The following AFF3 variants were observed in gnomAD, a reference collection of about 807,000 sequenced individuals.
The protein encoded by AFF3 is AF4/FMR2 family member 3.
A neutral mutation model predicts 129.7 loss-of-function variants in AFF3; 32 were observed. The observed-to-expected ratio is 0.25, with a 90% CI of 0.19 to 0.33. AFF3 has a LOEUF of 0.33. AFF3 is among the 10% of genes least tolerant of loss of function. The pLI is 1.00. For synonymous variants in AFF3, 644 were observed against 635.4 expected (o/e 1.01, Z -0.20); for missense variants, 1,373 against 1,592.0 (o/e 0.86, Z 2.34).
intron 18 of AFF3, among the ~76,000 whole-genome samples, chr2:99,573,218 G>C (rs939582612): frequency 6.6e-6 from 1 of 152,044 alleles, no homozygotes; most frequent in Non-Finnish European, 1.5e-5. Context: ...CCTTGTCTCC[G>C]CACCCTGTCC....
chr2:99,750,413 CTT>C (rs1491187155), intron 9 of AFF3, among the ~76,000 whole-genome samples: 1 of 10,218 alleles, frequency 9.8e-5, no homozygotes, highest in African/African-American at 2.4e-4. Context: ...TTTTTTTTTT[CTT>C]TTCTTTTTTT....
At chr2:99,839,890 G>A (rs189439166) in intron 7 of AFF3, among the ~76,000 whole-genome samples, 6 of 152,268 alleles carry the variant, frequency 3.9e-5, no homozygotes, top group East Asian at 1.9e-4. Context: ...GATTACAGGC[G>A]TGAGCCACCA....
chr2:99,855,879 T>A (rs1690488589), intron 7 of AFF3, among the ~76,000 whole-genome samples: 1 of 152,168 alleles, frequency 6.6e-6, no homozygotes, highest in African/African-American at 2.4e-5. Context: ...TGCTAAGTCA[T>A]ATTGATAGTA....
chr2:99,647,708 C>A (rs1240166543), intron 13 of AFF3, among the ~76,000 whole-genome samples: 1 of 152,188 alleles, frequency 6.6e-6, no homozygotes, highest in African/African-American at 2.4e-5. Flanking sequence ...CTTTACACAA[C>A]TGCACTGCTA....
At chr2:99,993,263 T>C (rs1680522204) in intron 7 of AFF3, among the ~76,000 whole-genome samples, 1 of 152,228 alleles carries the variant, frequency 6.6e-6, no homozygotes. Context: ...TTTCTAAGGA[T>C]TTTTGGTTCT....
At chr2:100,037,485 AT>A (rs1685025975) in intron 4 of AFF3, among the ~76,000 whole-genome samples, 1 of 85,896 alleles carries the variant, frequency 1.2e-5, no homozygotes, top group Non-Finnish European at 2.1e-5. Context: ...TATTTTATAT[AT>A]TATTTATATA....
chr2:99,877,432 T>A (rs1213494346), intron 7 of AFF3, among the ~76,000 whole-genome samples: 1 of 152,078 alleles, frequency 6.6e-6, no homozygotes, highest in Non-Finnish European at 1.5e-5. Context: ...ATCACCACTA[T>A]GAGAAATGAG....
rs767846193 is a variant in AFF3 at position 99,554,406 on chromosome 2, T to C, written c.3464A>G (p.His1155Arg). The change falls in exon 24 of 25, where the codon CAC becomes CGC. Residue 1155 changes from histidine to arginine, a missense_variant. Around this residue, in one of 9 missense-constraint regions of AFF3, gnomAD observed 165 missense variants for 234.0 expected, o/e 0.71. Transcript: ENST00000672756. ...STIVSIPQRIHQMAANHVSIT... is the reference protein window; with the variant it reads ...STIVSIPQRIRQMAANHVSIT... ...GCTGACGTGGTTGGCCGCCATCTGG[T>C]GGATGCGCTGTGGGATGCTGACGAT... 4.3e-6 allele frequency: 7 copies of C among 1,614,078 alleles called. No individual in the cohort carries two copies. Among genetic ancestry groups the C allele is most frequent in the Non-Finnish European group, 5.9e-6 (7 of 1,180,008 alleles).
At chr2:100,075,260 T>A (rs1688498586) in intron 4 of AFF3, among the ~76,000 whole-genome samples, 1 of 152,130 alleles carries the variant, frequency 6.6e-6, no homozygotes, top group Non-Finnish European at 1.5e-5. Flanking sequence ...GACTCCCCAA[T>A]CCACCTCTTC....
intron 12 of AFF3, among the ~76,000 whole-genome samples, chr2:99,654,905 A>G (rs1270087095): frequency 6.6e-6 from 1 of 152,196 alleles, no homozygotes; most frequent in African/African-American, 2.4e-5. Flanking sequence ...TACAAGTCAC[A>G]TTCTGTTATT....
Position 99,549,873 on chromosome 2 carries a change from A to C in AFF3, c.*1601T>G, listed in dbSNP as rs1674286519. On this transcript the variant is annotated 3_prime_UTR_variant, in exon 25 of 25. Coordinates refer to ENST00000672756, the MANE Select transcript of AFF3 (RefSeq NM_001386135.1). ...TAAGAATATCAGTGAATGTTTATGG[A>C]TCAGCATCTAGTCTAAGTATTTTGT... 1 of 225,346 alleles carries C rather than the reference A, an allele frequency of 4.4e-6. No homozygotes were observed. Among genetic ancestry groups the C allele is most frequent in the South Asian group, 1.8e-4 (1 of 5,456 alleles). The allele number at this position is 225,346 out of a possible 1,614,324, so 14.0% of individuals were successfully genotyped here.
intron 1 of AFF3, among the ~76,000 whole-genome samples, chr2:100,133,361 T>G (rs972300487): frequency 6.6e-6 from 1 of 152,194 alleles, no homozygotes; most frequent in African/African-American, 2.4e-5. Context: ...CTTTAATGTT[T>G]GAAAATGTAT....
chr2:99,545,454 C>T lies in AFF3; in HGVS notation c.*6020G>A, dbSNP rs1448726873. 1 of 152,148 alleles carries T rather than the reference C, an allele frequency of 6.6e-6. No homozygotes were observed. Among genetic ancestry groups the T allele is most frequent in the African/African-American group, 2.4e-5 (1 of 41,434 alleles). 9.4% of individuals were successfully genotyped at this position (152,148 alleles called of 1,614,324 possible). On this transcript the variant is annotated 3_prime_UTR_variant, in exon 25 of 25. Coordinates refer to ENST00000672756, the MANE Select transcript of AFF3 (RefSeq NM_001386135.1). ...ATATTATTTTAATTACCCAACAGCA[C>T]TCTAAAAATCCTAAACATTGGTGCT...
intron 7 of AFF3, among the ~76,000 whole-genome samples, chr2:99,844,912 G>C (rs1689615191): frequency 2.0e-5 from 3 of 151,926 alleles, no homozygotes; most frequent in Admixed American, 2.0e-4. Context: ...CAACAGAGCA[G>C]GCATTCGATT....
chr2:100,005,843 AATTAAGAT>A (rs767462320), intron 7 of AFF3, among the ~76,000 whole-genome samples: 56 of 152,346 alleles, frequency 3.7e-4, no homozygotes, highest in Non-Finnish European at 7.5e-4. Context: ...TATTAAATCA[AATTAAGAT>A]ACAAAGAATA....
chr2:99,559,104 G>T, intron 21 of AFF3, 136 bp from the exon 22 acceptor site: 2 of 686,034 alleles, frequency 2.9e-6, no homozygotes, highest in Non-Finnish European at 5.0e-6. Flanking sequence ...TTCTATACGT[G>T]CATATAATGT....
chr2:100,105,809 G>A (rs1178721069), intron 2 of AFF3: 1 of 1,350,660 alleles, frequency 7.4e-7, no homozygotes. Context: ...ATTCTCACCA[G>A]GGATTCCCCA....
At chr2:99,815,910 TCTGTCA>T (rs1277453961) in intron 8 of AFF3, among the ~76,000 whole-genome samples, 3 of 152,042 alleles carry the variant, frequency 2.0e-5, no homozygotes, top group Admixed American at 1.3e-4. Context: ...TGGTTTGGTG[TCTGTCA>T]CTAATTTTGG....
At chr2:99,821,921 C>T (rs1310332777) in intron 8 of AFF3, among the ~76,000 whole-genome samples, 1 of 152,180 alleles carries the variant, frequency 6.6e-6, no homozygotes, top group Non-Finnish European at 1.5e-5. Context: ...CAAAGGCAGC[C>T]AGGGCACAAC....
Sources: gnomAD v4.1 joint callset for allele counts (sites outside exome capture counted in the v4.1 genomes callset) on GRCh38, gnomAD v4.1.1 for gene constraint, gnomAD v4.1.1 regional missense constraint, MANE v1.5 for transcripts, NCBI Gene and HGNC (gene_info 2026-07-23, HGNC 2026-07-21) for gene names.